Variants in OSBPL6 observed in about 807,000 individuals in gnomAD.
OSBPL6 encodes oxysterol-binding protein-related protein 6.
In OSBPL6, 49 loss-of-function variants were observed where a neutral mutation model predicts 125.8. The ratio of observed to expected loss-of-function variants is 0.39; its 90% CI spans 0.31 to 0.49. The LOEUF is 0.49. OSBPL6 is among the 20% of genes least tolerant of loss of function. OSBPL6 has a pLI of 0.88. For synonymous variants in OSBPL6, 394 were observed against 391.8 expected (o/e 1.01, Z -0.07); for missense variants, 986 against 1,135.4 (o/e 0.87, Z 1.89).
intron 3 of OSBPL6, 58 bp from the exon 4 acceptor site, chr2:178,324,119 C>A: frequency 2.7e-6 from 3 of 1,095,308 alleles, no homozygotes; most frequent in Non-Finnish European, 3.9e-6. Context: ...CATCCCCATG[C>A]ACATTCACAT....
chr2:178,219,185 A>G (rs2090232933), intron 1 of OSBPL6, among the ~76,000 whole-genome samples: 1 of 152,226 alleles, frequency 6.6e-6, no homozygotes, highest in Non-Finnish European at 1.5e-5. Flanking sequence ...ATGGAGTTTT[A>G]TTAAAGATAC....
At chr2:178,279,666 A>C (rs1683934574) in intron 1 of OSBPL6, among the ~76,000 whole-genome samples, 2 of 152,208 alleles carry the variant, frequency 1.3e-5, no homozygotes, top group African/African-American at 4.8e-5. Flanking sequence ...ACGCGTGTGC[A>C]TGCACACACA....
intron 1 of OSBPL6, among the ~76,000 whole-genome samples, chr2:178,220,335 C>T (rs1367900556): frequency 6.6e-6 from 1 of 152,032 alleles, no homozygotes; most frequent in Admixed American, 6.6e-5. Context: ...CTTACTCTGT[C>T]ACCTACGCTG....
chr2:178,378,547 C>T (rs1202799945), intron 15 of OSBPL6, among the ~76,000 whole-genome samples: 2 of 152,192 alleles, frequency 1.3e-5, no homozygotes, highest in Admixed American at 1.3e-4. Flanking sequence ...AAACTTGTTT[C>T]TGCAATGCTG....
intron 13 of OSBPL6, 35 bp from the exon 14 acceptor site, chr2:178,372,091 T>A: frequency 2.0e-6 from 3 of 1,490,338 alleles, no homozygotes; most frequent in Non-Finnish European, 2.8e-6. Flanking sequence ...TGCTTATTAA[T>A]TTTAAATTAC....
chr2:178,200,540 C>G (rs1486039060), intron 1 of OSBPL6, among the ~76,000 whole-genome samples: 1 of 152,156 alleles, frequency 6.6e-6, no homozygotes, highest in Non-Finnish European at 1.5e-5. Flanking sequence ...GTGTGAGCCT[C>G]TGTGCCTGGC....
chr2:178,219,961 A>G (rs2090265976), intron 1 of OSBPL6, among the ~76,000 whole-genome samples: 1 of 152,196 alleles, frequency 6.6e-6, no homozygotes, highest in Non-Finnish European at 1.5e-5. Flanking sequence ...GATTTCAGAA[A>G]CATAAAAATA....
intron 21 of OSBPL6, 142 bp from the exon 22 acceptor site, chr2:178,390,931 A>C: frequency 4.9e-6 from 5 of 1,022,506 alleles, no homozygotes; most frequent in South Asian, 1.7e-5. Context: ...AGCCCTCCAT[A>C]TAAAACGTTT....
intron 1 of OSBPL6, among the ~76,000 whole-genome samples, chr2:178,212,369 T>A (rs1210450138): frequency 6.6e-6 from 1 of 152,240 alleles, no homozygotes; most frequent in African/African-American, 2.4e-5. Context: ...TAGAGTTTTT[T>A]AAAATTAATA....
intron 11 of OSBPL6, among the ~76,000 whole-genome samples, chr2:178,343,683 G>A (rs1463858708): frequency 6.6e-6 from 1 of 152,046 alleles, no homozygotes; most frequent in Admixed American, 6.5e-5. Context: ...ATCTTCCTTG[G>A]AAAATTCTTA....
chr2:178,205,775 TGATA>T (rs1239733685), intron 1 of OSBPL6, among the ~76,000 whole-genome samples: 1 of 152,186 alleles, frequency 6.6e-6, no homozygotes, highest in African/African-American at 2.4e-5. Context: ...TTAATAAATA[TGATA>T]GATTTGTATA....
intron 1 of OSBPL6, among the ~76,000 whole-genome samples, chr2:178,228,313 A>G (rs1410829788): frequency 2.6e-5 from 4 of 152,210 alleles, no homozygotes; most frequent in Admixed American, 6.5e-5. Flanking sequence ...AGGTGGGCAT[A>G]TCATGAGGTC....
rs559166928 is a variant in OSBPL6 at position 178,247,699 on chromosome 2, G to A, written c.-350-37228G>A. Among the ~76,000 whole-genome samples, 14 of 152,206 alleles carry A rather than the reference G, an allele frequency of 9.2e-5. No individual in the cohort carries two copies. The South Asian group carries it at 2.7e-3, about 29-fold the overall frequency. On this transcript the variant is annotated intron_variant, in intron 1 of 24. Coordinates refer to ENST00000190611, the MANE Select transcript of OSBPL6 (RefSeq NM_032523.4). The stretch of plus-strand genomic sequence containing the variant: ...ATCTTTGGGCCTTTCCCTACTTGTA[G>A]CTGGTCCTGAGAACTGCAAGCTCTT...
At chr2:178,317,472 A>G (rs1687854820) in intron 3 of OSBPL6, among the ~76,000 whole-genome samples, 1 of 94,368 alleles carries the variant, frequency 1.1e-5, no homozygotes, top group Non-Finnish European at 2.2e-5. Flanking sequence ...ATATATATAT[A>G]TATATATAGA....
chr2:178,203,464 T>C (rs1477082185), intron 1 of OSBPL6, among the ~76,000 whole-genome samples: 2 of 152,242 alleles, frequency 1.3e-5, no homozygotes, highest in African/African-American at 4.8e-5. Context: ...TTTAAAAATA[T>C]CTCCGTATCT....
intron 1 of OSBPL6, 133 bp from the exon 2 acceptor site, chr2:178,284,794 A>G (rs1383197456): frequency 2.7e-6 from 1 of 370,828 alleles, no homozygotes; most frequent in Non-Finnish European, 4.8e-6. Context: ...AAGCTGAGGC[A>G]TGTACCCATA....
At chr2:178,316,031 G>A (rs543311554) in intron 3 of OSBPL6, among the ~76,000 whole-genome samples, 18 of 152,282 alleles carry the variant, frequency 1.2e-4, no homozygotes, top group African/African-American at 4.1e-4. Flanking sequence ...CTCCTGGACT[G>A]GAAGTGAAAT....
In OSBPL6 at chr2:178,394,300, G is replaced by T. The variant is rs2154120685; in HGVS notation, c.2574-13G>T. On this transcript the variant is annotated splice_polypyrimidine_tract_variant and intron_variant, in intron 23 of 24. Coordinates refer to ENST00000190611, the MANE Select transcript of OSBPL6 (RefSeq NM_032523.4). Reference sequence around the variant, plus strand: ...AGGATAATATGTTAAAATATCAACTGCTTTCTGCTTAGATTTTTGGAAGAA... The same window carrying T: ...AGGATAATATGTTAAAATATCAACTTCTTTCTGCTTAGATTTTTGGAAGAA... The T allele has an allele frequency of 6.2e-7, 1 of 1,609,084 alleles. No individual in the cohort carries two copies. The highest frequency in any genetic ancestry group is 8.5e-7 in the Non-Finnish European group (1 of 1,178,906).
At chr2:178,362,560 G>A (rs1560872) in intron 13 of OSBPL6, among the ~76,000 whole-genome samples, 7,642 of 151,988 alleles carry the variant, frequency 0.05, 222 homozygotes, top group African/African-American at 0.067. Context: ...GTGAGAACTC[G>A]GTGTCTATAT....
Sources: gnomAD v4.1 joint callset for allele counts (sites outside exome capture counted in the v4.1 genomes callset) on GRCh38, gnomAD v4.1.1 for gene constraint, MANE v1.5 for transcripts, NCBI Gene and HGNC (gene_info 2026-07-23, HGNC 2026-07-21) for gene names.